Variants in ROBO2 observed in about 807,000 individuals in gnomAD.
ROBO2 encodes the protein roundabout guidance receptor 2.
ROBO2 carries 53 observed loss-of-function variants against 160.8 expected under a neutral mutation model. The ratio of observed to expected loss-of-function variants is 0.33; its 90% CI spans 0.26 to 0.41. The LOEUF (loss-of-function observed/expected upper bound fraction) is 0.41. ROBO2 is among the 10% of genes least tolerant of loss of function. ROBO2 has a pLI of 1.00. For missense variants in ROBO2, 1,577 were observed against 1,722.4 expected, an observed-to-expected ratio of 0.92 and a Z score of 1.49; for synonymous variants, 664 against 611.7, an observed-to-expected ratio of 1.09 and a Z score of -1.26.
intron 2 of ROBO2, among the ~76,000 whole-genome samples, chr3:77,380,952 A>G (rs564741076): frequency 6.6e-6 from 1 of 152,188 alleles, no homozygotes; most frequent in Non-Finnish European, 1.5e-5. Flanking sequence ...GAAACTGGCA[A>G]ATCCCCACCA....
At chr3:76,461,276 C>A (rs143180445) in intron 2 of ROBO2, among the ~76,000 whole-genome samples, 3,005 of 152,264 alleles carry the variant, frequency 0.02, 40 homozygotes, top group Non-Finnish European at 0.031. Flanking sequence ...ATCTCACTAT[C>A]ATGAAGACAG....
chr3:77,488,529 A>G (rs539098476), intron 4 of ROBO2, among the ~76,000 whole-genome samples: 20 of 152,216 alleles, frequency 1.3e-4, no homozygotes, highest in Non-Finnish European at 2.2e-4. Flanking sequence ...ATTTTCATGC[A>G]TACTTATTTT....
intron 2 of ROBO2, among the ~76,000 whole-genome samples, chr3:76,981,674 G>A (rs952693380): frequency 1.3e-5 from 2 of 152,034 alleles, no homozygotes; most frequent in African/African-American, 4.8e-5. Flanking sequence ...CCTAAGACTG[G>A]GTAATTTATA....
At chr3:77,185,258 G>A (rs1447449696) in intron 2 of ROBO2, among the ~76,000 whole-genome samples, 2 of 151,952 alleles carry the variant, frequency 1.3e-5, no homozygotes, top group Non-Finnish European at 2.9e-5. Context: ...TTCAGATATA[G>A]ATAAAGTGGA....
intron 2 of ROBO2, among the ~76,000 whole-genome samples, chr3:77,258,321 C>T (rs545333051): frequency 6.6e-6 from 1 of 152,256 alleles, no homozygotes; most frequent in South Asian, 2.1e-4. Flanking sequence ...ACTAAATAAC[C>T]TGTGAGAGAG....
At chr3:77,051,851 C>T (rs2065259893) in intron 1 of ROBO2, among the ~76,000 whole-genome samples, 1 of 152,100 alleles carries the variant, frequency 6.6e-6, no homozygotes, top group African/African-American at 2.4e-5. Flanking sequence ...AAGTGAAAAA[C>T]TGAACATTTG....
chr3:77,192,016 G>A (rs1367475520), intron 2 of ROBO2, among the ~76,000 whole-genome samples: 1 of 152,122 alleles, frequency 6.6e-6, no homozygotes, highest in Non-Finnish European at 1.5e-5. Flanking sequence ...GCAATTGTGG[G>A]AATGAGTAGT....
At chr3:77,465,208 T>C (rs2082647371) in intron 2 of ROBO2, among the ~76,000 whole-genome samples, 1 of 152,152 alleles carries the variant, frequency 6.6e-6, no homozygotes, top group African/African-American at 2.4e-5. Context: ...TTTGTGAATT[T>C]TAGTAATATG....
chr3:76,510,622 G>T (rs987253741), intron 2 of ROBO2, among the ~76,000 whole-genome samples: 8 of 152,136 alleles, frequency 5.3e-5, no homozygotes, highest in Admixed American at 4.6e-4. Context: ...TACTTGGGAG[G>T]CTGAGGCAGG....
upstream of ROBO2, among the ~76,000 whole-genome samples, chr3:77,038,854 T>A (rs2063796171): frequency 6.6e-6 from 1 of 152,248 alleles, no homozygotes. Flanking sequence ...GGCTTCTTTT[T>A]GAGCTTCCAT....
At chr3:76,930,957 T>G (rs1577580459) in intron 2 of ROBO2, among the ~76,000 whole-genome samples, 2 of 152,316 alleles carry the variant, frequency 1.3e-5, no homozygotes, top group African/African-American at 4.8e-5. Flanking sequence ...CTTAGCCCAG[T>G]CAAGCTAATG....
chr3:76,164,593 G>C (rs2072755535), intron 2 of ROBO2, among the ~76,000 whole-genome samples: 1 of 152,138 alleles, frequency 6.6e-6, no homozygotes, highest in Non-Finnish European at 1.5e-5. Context: ...GGATGACCAA[G>C]AGCATTATCA....
At chr3:77,494,532 C>T (rs555563490) in intron 5 of ROBO2, among the ~76,000 whole-genome samples, 56 of 152,186 alleles carry the variant, frequency 3.7e-4, no homozygotes, top group African/African-American at 1.1e-3. Flanking sequence ...GAGTCAAGAT[C>T]GTGCCACTGT....
At chr3:77,418,891 T>C (rs1385085525) in intron 2 of ROBO2, among the ~76,000 whole-genome samples, 1 of 152,112 alleles carries the variant, frequency 6.6e-6, no homozygotes, top group Non-Finnish European at 1.5e-5. Flanking sequence ...CCTATTCATA[T>C]GGGCAAAAGG....
chr3:77,553,322 G>C (rs2092990232), intron 8 of ROBO2, among the ~76,000 whole-genome samples: 1 of 151,816 alleles, frequency 6.6e-6, no homozygotes, highest in African/African-American at 2.4e-5. Context: ...TTACCCACTG[G>C]TTTCTTTACC....
chr3:76,369,198 A>G (rs1347048067), intron 2 of ROBO2, among the ~76,000 whole-genome samples: 5 of 151,948 alleles, frequency 3.3e-5, no homozygotes, highest in Non-Finnish European at 5.9e-5. Context: ...GAACACAATG[A>G]ACCTTCATTG....
chr3:76,828,776 T>G (rs1349842173), intron 2 of ROBO2, among the ~76,000 whole-genome samples: 1 of 152,198 alleles, frequency 6.6e-6, no homozygotes, highest in Non-Finnish European at 1.5e-5. Context: ...TTATGTCCTG[T>G]GTTGGATCTG....
intron 2 of ROBO2, among the ~76,000 whole-genome samples, chr3:77,407,953 A>G (rs1247233190): frequency 1.3e-5 from 2 of 152,208 alleles, no homozygotes; most frequent in East Asian, 3.8e-4. Context: ...TAAAATTTGC[A>G]TTAGTATAAA....
intron 20 of ROBO2, 126 bp from the exon 22 acceptor site, chr3:77,607,672 T>C: frequency 1.2e-6 from 1 of 842,882 alleles, no homozygotes; most frequent in Non-Finnish European, 2.0e-6. Flanking sequence ...ATTTCATTGT[T>C]TATAGCTTTT....
Sources: gnomAD v4.1 joint callset for allele counts (sites outside exome capture counted in the v4.1 genomes callset) on GRCh38, gnomAD v4.1.1 for gene constraint, MANE v1.5 for transcripts, NCBI Gene and HGNC (gene_info 2026-07-23, HGNC 2026-07-21) for gene names.